Variants in SAMMSON observed in about 807,000 individuals in gnomAD.
SAMMSON encodes the protein survival associated mitochondrial melanoma specific oncogenic non-coding RNA.
At chr3:70,027,081 G>A (rs1341321368) in intron 3 of SAMMSON, among the ~76,000 whole-genome samples, 1 of 152,100 alleles carries the variant, frequency 6.6e-6, no homozygotes, top group Non-Finnish European at 1.5e-5. Context: ...TCACACTCCT[G>A]TTCATGATTC....
intron 7 of SAMMSON, among the ~76,000 whole-genome samples, chr3:70,323,012 G>A (rs757948557): frequency 6.6e-6 from 1 of 152,062 alleles, no homozygotes; most frequent in Non-Finnish European, 1.5e-5. Flanking sequence ...AAAGAAGACA[G>A]TGGTTGAATT....
intron 4 of SAMMSON, among the ~76,000 whole-genome samples, chr3:70,165,583 T>C (rs965257357): frequency 1.3e-5 from 2 of 151,892 alleles, no homozygotes; most frequent in Non-Finnish European, 2.9e-5. Context: ...AGCTACCCAT[T>C]TTATGGTATT....
chr3:70,294,673 C>T (rs920470340), intron 7 of SAMMSON, among the ~76,000 whole-genome samples: 1 of 152,028 alleles, frequency 6.6e-6, no homozygotes, highest in African/African-American at 2.4e-5. Flanking sequence ...TAATTTATGA[C>T]TCATATATCC....
intron 3 of SAMMSON, among the ~76,000 whole-genome samples, chr3:70,023,991 C>A (rs2067026841): frequency 6.7e-6 from 1 of 149,228 alleles, no homozygotes; most frequent in Non-Finnish European, 1.5e-5. Flanking sequence ...AGGCTTGGTG[C>A]AGCTCTTCCT....
intron 4 of SAMMSON, among the ~76,000 whole-genome samples, chr3:70,100,524 G>T (rs796413546): frequency 4.6e-3 from 7 of 1,514 alleles, no homozygotes; most frequent in Admixed American, 0.048. Flanking sequence ...GTGGGGGGGG[G>T]GGGGGGGGGA....
In SAMMSON at chr3:70,422,830, T is replaced by C. The variant is rs143501248; in HGVS notation, n.234-39730T>C. ...GTAAAAGCAAGCAACTGCAATGATATCTTTGAAAATAATATGCACCTGGAG... is the reference window on the plus strand; with the variant it reads ...GTAAAAGCAAGCAACTGCAATGATACCTTTGAAAATAATATGCACCTGGAG... On this transcript the variant is annotated intron_variant and non_coding_transcript_variant, in intron 2 of 3. Transcript: ENST00000641053. 6.1e-3 allele frequency among the ~76,000 whole-genome samples: 931 copies of C among 152,102 alleles called. 7 individuals are homozygous for C. Among genetic ancestry groups the C allele is most frequent in the African/African-American group, 0.02 (846 of 41,548 alleles).
chr3:70,044,098 T>C (rs1304643750), intron 3 of SAMMSON, among the ~76,000 whole-genome samples: 5 of 152,038 alleles, frequency 3.3e-5, no homozygotes, highest in African/African-American at 1.2e-4. Context: ...CCAAGGTGCC[T>C]GTGGGGTTTT....
chr3:70,215,210 G>A (rs1281771201), intron 4 of SAMMSON, among the ~76,000 whole-genome samples: 1 of 152,088 alleles, frequency 6.6e-6, no homozygotes, highest in Non-Finnish European at 1.5e-5. Flanking sequence ...CATGAATGAG[G>A]AAACTGATAG....
At chr3:70,411,044 C>A (rs1372977421) in intron 2 of SAMMSON, among the ~76,000 whole-genome samples, 1 of 152,172 alleles carries the variant, frequency 6.6e-6, no homozygotes, top group Non-Finnish European at 1.5e-5. Flanking sequence ...AACCGACCAT[C>A]CTTTTATTTA....
chr3:70,003,799 T>G (rs1407715467), intron 1 of SAMMSON, among the ~76,000 whole-genome samples: 1 of 152,050 alleles, frequency 6.6e-6, no homozygotes, highest in Non-Finnish European at 1.5e-5. Flanking sequence ...TACTTTTTAA[T>G]ATATTTTTTA....
At chr3:70,368,540 T>A (rs189148638) in intron 9 of SAMMSON, among the ~76,000 whole-genome samples, 1 of 151,678 alleles carries the variant, frequency 6.6e-6, no homozygotes, top group South Asian at 2.1e-4. Flanking sequence ...AAATTTTGAG[T>A]TGATATTTGT....
At chr3:70,223,110 G>A (rs1308155563) in intron 4 of SAMMSON, among the ~76,000 whole-genome samples, 1 of 152,092 alleles carries the variant, frequency 6.6e-6, no homozygotes, top group Non-Finnish European at 1.5e-5. Context: ...CCAACCCTCT[G>A]ACACCTGCTT....
chr3:70,112,956 C>T (rs1157812432), intron 4 of SAMMSON, among the ~76,000 whole-genome samples: 1 of 152,086 alleles, frequency 6.6e-6, no homozygotes, highest in Non-Finnish European at 1.5e-5. Context: ...GTATTGAGTG[C>T]TTTCTATGAA....
chr3:70,412,449 T>C (rs1701228074), intron 2 of SAMMSON, among the ~76,000 whole-genome samples: 1 of 152,228 alleles, frequency 6.6e-6, no homozygotes, highest in Non-Finnish European at 1.5e-5. Context: ...AGTGTAAGTA[T>C]GCAAAGTGAT....
intron 4 of SAMMSON, among the ~76,000 whole-genome samples, chr3:70,241,245 G>T (rs1401275944): frequency 6.6e-6 from 1 of 152,132 alleles, no homozygotes; most frequent in East Asian, 1.9e-4. Context: ...CTCTTTAGAG[G>T]TGTGTCTTTA....
At position 70,171,466 on chromosome 3, in the gene SAMMSON, A is replaced by G. The variant is rs538332561; in HGVS notation, n.508-77641A>G. 2.6e-5 allele frequency among the ~76,000 whole-genome samples: 4 copies of G among 152,040 alleles called. No homozygotes were observed. The South Asian group carries it at 6.2e-4, about 24-fold the overall frequency. On this transcript the variant is annotated intron_variant and non_coding_transcript_variant, in intron 4 of 9. Transcript: ENST00000642114. ...CAAACCCATACTGTTCAGAGAATTT[A>G]TAGGTTTTATGTATAATGCTATAAA...
chr3:70,011,174 C>A (rs1284640918), intron 1 of SAMMSON, among the ~76,000 whole-genome samples: 2 of 152,034 alleles, frequency 1.3e-5, no homozygotes, highest in African/African-American at 2.4e-5. Flanking sequence ...GAGGTGCATG[C>A]TATCATCTGT....
chr3:70,072,912 C>A (rs1408548662), intron 4 of SAMMSON, among the ~76,000 whole-genome samples: 2 of 151,962 alleles, frequency 1.3e-5, no homozygotes, highest in Non-Finnish European at 2.9e-5. Context: ...TATTGAAAGC[C>A]ATTCTTAATT....
chr3:70,150,570 A>G (rs2067567359), intron 4 of SAMMSON, among the ~76,000 whole-genome samples: 2 of 152,050 alleles, frequency 1.3e-5, no homozygotes, highest in Admixed American at 1.3e-4. Context: ...TTTGGCCCCA[A>G]ATACCATATG....
Sources: gnomAD v4.1 joint callset for allele counts (sites outside exome capture counted in the v4.1 genomes callset) on GRCh38, gnomAD v4.1.1 for gene constraint, MANE v1.5 for transcripts, NCBI Gene and HGNC (gene_info 2026-07-23, HGNC 2026-07-21) for gene names.